Variants in AUTS2 observed in about 807,000 individuals in gnomAD.
AUTS2 encodes activator of transcription and developmental regulator AUTS2.
AUTS2 carries 17 observed loss-of-function variants against 112.4 expected under a neutral mutation model. The ratio of observed to expected loss-of-function variants is 0.15; its 90% CI spans 0.10 to 0.23. The LOEUF is 0.23. Ranked by LOEUF, AUTS2 falls within the 10% of genes least tolerant of loss-of-function variation. The pLI, the probability that AUTS2 is intolerant of heterozygous loss-of-function variation, is 1.00. For missense variants in AUTS2, 1,510 were observed against 1,701.6 expected, an observed-to-expected ratio of 0.89 and a Z score of 1.98; for synonymous variants, 751 against 702.7, an observed-to-expected ratio of 1.07 and a Z score of -1.09.
At chr7:70,415,629 G>A (rs546890322) in intron 4 of AUTS2, among the ~76,000 whole-genome samples, 2 of 152,270 alleles carry the variant, frequency 1.3e-5, no homozygotes, top group Admixed American at 6.5e-5. Context: ...GCTACCGTAA[G>A]TGGCCTCCAC....
At chr7:69,978,916 A>ACG in intron 2 of AUTS2, among the ~76,000 whole-genome samples, 1 of 151,544 alleles carries the variant, frequency 6.6e-6, no homozygotes, top group Non-Finnish European at 1.5e-5. Flanking sequence ...ACACGCACAC[A>ACG]CACACGCACA....
intron 5 of AUTS2, among the ~76,000 whole-genome samples, chr7:70,662,104 C>T (rs1232620602): frequency 6.6e-6 from 1 of 152,234 alleles, no homozygotes; most frequent in African/African-American, 2.4e-5. Flanking sequence ...GCCCTTCCCA[C>T]AGGCCCAGGC....
At chr7:69,777,314 G>C (rs899670166) in intron 1 of AUTS2, among the ~76,000 whole-genome samples, 1 of 152,142 alleles carries the variant, frequency 6.6e-6, no homozygotes, top group Middle Eastern at 3.4e-3. Flanking sequence ...TAAATACTTA[G>C]CTTTTCTAGT....
At chr7:70,437,229 G>T (rs28673085) in intron 5 of AUTS2, 19,646 of 152,280 alleles carry the variant, frequency 0.13, 1,300 homozygotes, top group Middle Eastern at 0.17. Context: ...AGTAGGAGCT[G>T]CCTTTCTCCA....
At chr7:69,991,542 A>T (rs1798742229) in intron 2 of AUTS2, among the ~76,000 whole-genome samples, 1 of 152,192 alleles carries the variant, frequency 6.6e-6, no homozygotes, top group Admixed American at 6.6e-5. Flanking sequence ...CTTCCTTAAA[A>T]TATTTAAGGA....
intron 4 of AUTS2, among the ~76,000 whole-genome samples, chr7:70,290,180 G>GC (rs1310967113): frequency 3.3e-5 from 5 of 152,074 alleles, no homozygotes; most frequent in African/African-American, 4.8e-5. Flanking sequence ...GAGCAGGCAG[G>GC]CATCAATTTT....
intron 4 of AUTS2, among the ~76,000 whole-genome samples, chr7:70,331,829 A>G (rs971344859): frequency 2.6e-5 from 4 of 152,224 alleles, no homozygotes; most frequent in African/African-American, 9.6e-5. Context: ...TTGAAATAAT[A>G]AAAGCTATTT....
chr7:69,672,683 C>T (rs967782245), intron 1 of AUTS2, among the ~76,000 whole-genome samples: 1 of 152,188 alleles, frequency 6.6e-6, no homozygotes, highest in African/African-American at 2.4e-5. Flanking sequence ...TGACATCTCT[C>T]CCTGAAAGGT....
At chr7:70,612,124 C>T (rs1425472269) in intron 5 of AUTS2, among the ~76,000 whole-genome samples, 7 of 152,172 alleles carry the variant, frequency 4.6e-5, no homozygotes, top group Non-Finnish European at 1.0e-4. Flanking sequence ...AGATTATTAG[C>T]TGCTAATAGA....
chr7:70,507,948 A>G (rs1214734871), intron 5 of AUTS2, among the ~76,000 whole-genome samples: 1 of 152,198 alleles, frequency 6.6e-6, no homozygotes, highest in African/African-American at 2.4e-5. Context: ...AAATATTCCA[A>G]AGACTTAATT....
intron 1 of AUTS2, among the ~76,000 whole-genome samples, chr7:69,729,994 ATT>A (rs10684331): frequency 1.4e-4 from 8 of 56,750 alleles, no homozygotes; most frequent in African/African-American, 5.1e-4. Flanking sequence ...TGTTGTTTTA[ATT>A]TTTTTTTTTT....
At chr7:69,966,263 A>G (rs1797632599) in intron 2 of AUTS2, among the ~76,000 whole-genome samples, 1 of 152,182 alleles carries the variant, frequency 6.6e-6, no homozygotes, top group Non-Finnish European at 1.5e-5. Context: ...GAAATGAAAC[A>G]GTGGGTCATA....
At chr7:70,688,816 G>A (rs576892898) in intron 5 of AUTS2, among the ~76,000 whole-genome samples, 46 of 152,102 alleles carry the variant, frequency 3.0e-4, no homozygotes, top group African/African-American at 9.9e-4. Context: ...ACAGCAAGAC[G>A]CCATCTCAAC....
chr7:70,355,044 A>ATGTG (rs757470657), intron 4 of AUTS2, among the ~76,000 whole-genome samples: 3 of 132,038 alleles, frequency 2.3e-5, no homozygotes, highest in African/African-American at 5.8e-5. Context: ...GTGTGTATGT[A>ATGTG]TGTGTGTGTG....
At chr7:70,307,553 T>A (rs1418239975) in intron 4 of AUTS2, among the ~76,000 whole-genome samples, 1 of 152,246 alleles carries the variant, frequency 6.6e-6, no homozygotes, top group South Asian at 2.1e-4. Context: ...GCTCTAGCTT[T>A]ACATACAATA....
In AUTS2 at chr7:70,648,145, T is replaced by C. The variant is rs533877298; in HGVS notation, c.691-50424T>C. On this transcript the variant is annotated intron_variant, in intron 5 of 18. Transcript: ENST00000342771. ...GGGTTCTGGTGAGGGTTCCATGAAC[T>C]AAAACACATGAAGAGTCTAGAATTG... 2.0e-5 allele frequency among the ~76,000 whole-genome samples: 3 copies of C among 152,320 alleles called. No individual in the cohort carries two copies. The South Asian group carries it at 6.2e-4, about 32-fold the overall frequency.
rs117868944 is a variant in AUTS2 at position 70,235,720 on chromosome 7, C to T, written c.660+101149C>T. Among the ~76,000 whole-genome samples the T allele has an allele frequency of 4.3e-3, 642 of 150,994 alleles. 5 individuals carry two copies. The highest frequency in any genetic ancestry group is 5.9e-3 in the Non-Finnish European group (397 of 67,802). On this transcript the variant is annotated intron_variant, in intron 4 of 18. Transcript: ENST00000342771. Reference sequence around the variant, plus strand: ...GGGCTGGAGTGCAATGGTATGATTTCGGCTCACTCCAACCTCTGCCTCCCA... The same window carrying T: ...GGGCTGGAGTGCAATGGTATGATTTTGGCTCACTCCAACCTCTGCCTCCCA...
At chr7:70,600,004 G>C (rs572825245) in intron 5 of AUTS2, among the ~76,000 whole-genome samples, 1 of 152,258 alleles carries the variant, frequency 6.6e-6, no homozygotes, top group South Asian at 2.1e-4. Context: ...GCACCCCGGG[G>C]ACTCATTAGA....
intron 4 of AUTS2, among the ~76,000 whole-genome samples, chr7:70,215,801 G>A (rs903920347): frequency 1.3e-5 from 2 of 152,130 alleles, no homozygotes; most frequent in African/African-American, 4.8e-5. Context: ...TCTCATGATT[G>A]CTTTCTGTAC....
Sources: gnomAD v4.1 joint callset for allele counts (sites outside exome capture counted in the v4.1 genomes callset) on GRCh38, gnomAD v4.1.1 for gene constraint, MANE v1.5 for transcripts, NCBI Gene and HGNC (gene_info 2026-07-23, HGNC 2026-07-21) for gene names.